Variants in ZNF837 observed in about 807,000 individuals in gnomAD.
ZNF837 encodes the protein zinc finger protein 837.
For synonymous variants in ZNF837, 475 were observed against 365.2 expected (o/e 1.30, Z -3.43); for missense variants, 955 against 801.7 (o/e 1.19, Z -2.31).
chr19:58,370,844 G>C (rs565155294), intron 1 of ZNF837, among the ~76,000 whole-genome samples: 1 of 150,822 alleles, frequency 6.6e-6, no homozygotes, highest in Non-Finnish European at 1.5e-5. Flanking sequence ...GCAGTTAGCC[G>C]AGATCGCACC....
intron 1 of ZNF837, among the ~76,000 whole-genome samples, chr19:58,377,549 G>A (rs1475277643): frequency 6.6e-6 from 1 of 151,874 alleles, no homozygotes; most frequent in Non-Finnish European, 1.5e-5. Flanking sequence ...AAGGTGGGAT[G>A]ATCGCTTGAG....
intron 1 of ZNF837, among the ~76,000 whole-genome samples, chr19:58,374,419 C>G (rs6510141): frequency 0.51 from 76,825 of 151,912 alleles, 19,545 homozygotes; most frequent in Middle Eastern, 0.56. Context: ...AAAGTAAAAG[C>G]AGTGAGTCAC....
At chr19:58,374,852 G>A (rs781012105) in intron 1 of ZNF837, among the ~76,000 whole-genome samples, 4 of 150,908 alleles carry the variant, frequency 2.7e-5, no homozygotes, top group Non-Finnish European at 5.9e-5. Flanking sequence ...AGAATCACTG[G>A]AACCTGGGAG....
chr19:58,376,517 T>TAC (rs1391095204), intron 1 of ZNF837, among the ~76,000 whole-genome samples: 1 of 111,804 alleles, frequency 8.9e-6, no homozygotes, highest in African/African-American at 3.5e-5. Flanking sequence ...ATCAGGCCAC[T>TAC]ACACTCCAGC....
chr19:58,376,416 G>A (rs1232540340), intron 1 of ZNF837, among the ~76,000 whole-genome samples: 2 of 151,368 alleles, frequency 1.3e-5, no homozygotes, highest in Non-Finnish European at 2.9e-5. Context: ...TTAGCCGGGT[G>A]TGGTGGCAGG....
At chr19:58,370,219 T>C (rs2052187391) in intron 1 of ZNF837, among the ~76,000 whole-genome samples, 1 of 152,204 alleles carries the variant, frequency 6.6e-6, no homozygotes, top group African/African-American at 2.4e-5. Flanking sequence ...GGGAGGACGT[T>C]TGCTGACCAT....
At chr19:58,371,577 T>TA (rs1469820635) in intron 1 of ZNF837, among the ~76,000 whole-genome samples, 1 of 152,228 alleles carries the variant, frequency 6.6e-6, no homozygotes, top group Non-Finnish European at 1.5e-5. Flanking sequence ...CCCGGATGGC[T>TA]AACATCATAT....
chr19:58,370,623 C>T (rs535000700), intron 1 of ZNF837, among the ~76,000 whole-genome samples: 1 of 152,264 alleles, frequency 6.6e-6, no homozygotes, highest in East Asian at 1.9e-4. Context: ...CGGCCGGGCA[C>T]GGTAGCTCAC....
At position 58,368,577 on chromosome 19, in the gene ZNF837, G is replaced by A. The variant is rs1430778647; in HGVS notation, c.756C>T (p.Cys252=). 6.5e-7 allele frequency: 1 copy of A among 1,535,920 alleles called. No homozygotes were observed. The highest frequency in any genetic ancestry group is 1.2e-5 in the South Asian group (1 of 83,626). Residue 252 remains cysteine, a synonymous_variant, in exon 3 of 3, where the codon TGC becomes TGT. Transcript: ENST00000597582. ...AGKSPPVCPE[C]GQTSRPRPIV... The stretch of plus-strand genomic sequence containing the variant: ...TAGGGCGAGGTCGCGAGGTTTGGCC[G>A]CACTCAGGACACACTGGGGGACTCT...
rs1465303734 is a variant in ZNF837, at chr19:58,368,011, T to TGC, written c.1320_1321dup (p.His441ArgfsTer?). 2 of 1,532,872 alleles carry TGC rather than the reference T, an allele frequency of 1.3e-6. No individual in the cohort carries two copies. The highest frequency in any genetic ancestry group is 1.4e-5 in the African/African-American group (1 of 72,842). The allele number at this position is 1,532,872 out of a possible 1,614,324, so 95.0% of individuals were successfully genotyped here. A position where few individuals can be genotyped will look rare whatever the true frequency, so the allele number is the denominator to read the frequency against. On this transcript the variant is annotated frameshift_variant, in exon 3 of 3. Coordinates refer to ENST00000597582, the MANE Select transcript of ZNF837 (RefSeq NM_138466.2). LOFTEE classifies it low-confidence loss of function (END_TRUNC). ...GCAGCCATAGGGCCGCTCGCCGGTGTGCGCGCGCTGGTGTTGCACCAGGCC... is the reference window on the plus strand; with the variant it reads ...GCAGCCATAGGGCCGCTCGCCGGTGTGCGCGCGCGCTGGTGTTGCACCAGGCC...
Position 58,368,009 on chromosome 19 carries a change from T to C in ZNF837, c.1324A>G (p.Thr442Ala). 1 of 1,532,932 alleles carries C rather than the reference T, an allele frequency of 6.5e-7. No individual in the cohort carries two copies. The highest frequency in any genetic ancestry group is 8.7e-7 in the Non-Finnish European group (1 of 1,144,326). 95.0% of individuals were successfully genotyped at this position (1,532,932 alleles called of 1,614,324 possible). The change falls in exon 3 of 3, where the codon ACC (threonine) becomes GCC (alanine). Residue 442 changes from threonine to alanine, a missense_variant. By Grantham distance (58) the Thr-to-Ala change is moderately conservative. Coordinates refer to ENST00000597582, the MANE Select transcript of ZNF837 (RefSeq NM_138466.2). ...SGLVQHQRAH[T>A]GERPYGCSEC... ...GAGCAGCCATAGGGCCGCTCGCCGG[T>C]GTGCGCGCGCTGGTGTTGCACCAGG...
At chr19:58,379,189 C>T (rs920285498) in intron 1 of ZNF837, among the ~76,000 whole-genome samples, 5 of 152,146 alleles carry the variant, frequency 3.3e-5, no homozygotes, top group African/African-American at 1.2e-4. Flanking sequence ...GCTGGGTTGT[C>T]CTGAAGAACC....
At position 58,370,713 on chromosome 19, in the gene ZNF837, T is replaced by C. The variant is rs780492973; in HGVS notation, c.-139-785A>G. Among the ~76,000 whole-genome samples, 67 of 148,764 alleles carry C rather than the reference T, an allele frequency of 4.5e-4. 1 individual carries two copies. The highest frequency in any genetic ancestry group is 2.5e-4 in the Non-Finnish European group (17 of 67,398). ...GAGTTTGAGACCAGCCTGACCAACA[T>C]AGAGAAACCCCGTCTCTACTAAAAA... is the stretch of plus-strand genomic sequence containing the variant. On this transcript the variant is annotated intron_variant, in intron 1 of 2. Transcript: ENST00000597582.
chr19:58,375,821 G>T (rs1039996794), intron 1 of ZNF837, among the ~76,000 whole-genome samples: 23 of 151,030 alleles, frequency 1.5e-4, no homozygotes, highest in Non-Finnish European at 3.1e-4. Context: ...CCTGTCAGGC[G>T]TCGGCCCACC....
intron 1 of ZNF837, among the ~76,000 whole-genome samples, chr19:58,376,554 C>CAAAAAAAAAAAAAAAAAAAA (rs59075587): frequency 1.6e-4 from 11 of 67,766 alleles, no homozygotes; most frequent in African/African-American, 6.4e-4. Context: ...GACTCTGTCT[C>CAAAAAAAAAAAAAAAAAAAA]AAAAAAAAAA....
chr19:58,375,261 A>T lies in ZNF837; in HGVS notation c.-139-5333T>A, dbSNP rs1483754562. 3.9e-3 allele frequency among the ~76,000 whole-genome samples: 375 copies of T among 95,360 alleles called. 17 individuals carry two copies. Among genetic ancestry groups the T allele is most frequent in the Admixed American group, 6.1e-3 (45 of 7,418 alleles). 62.6% of individuals were successfully genotyped at this position (95,360 alleles called of 152,430 possible). ...ACAGAGCGAGAATCTGTCTCAAAAA[A>T]AAAAAAAAGTATATATATATATATA... On this transcript the variant is annotated intron_variant, in intron 1 of 2. Coordinates refer to ENST00000597582, the MANE Select transcript of ZNF837 (RefSeq NM_138466.2).
At chr19:58,376,244 C>T (rs1409934164) in intron 1 of ZNF837, among the ~76,000 whole-genome samples, 1 of 151,938 alleles carries the variant, frequency 6.6e-6, no homozygotes, top group Non-Finnish European at 1.5e-5. Context: ...TTAAGCAATA[C>T]ATTTGTATTG....
At chr19:58,373,215 T>C (rs1217911628) in intron 1 of ZNF837, among the ~76,000 whole-genome samples, 1 of 152,148 alleles carries the variant, frequency 6.6e-6, no homozygotes. Flanking sequence ...CCTTCCTCGA[T>C]CTCCCTCCCT....
Position 58,368,205 on chromosome 19 carries a change from C to G in ZNF837, c.1128G>C (p.Ser376=). ...ADCAKAFGLF[S]HLVEHRRVHT... ...GCACGCGCCGGTGCTCCACGAGGTG[C>G]GAGAACAGCCCGAAGGCCTTGGCGC... Residue 376 remains serine (S), a synonymous_variant, in exon 3 of 3, where the codon TCG becomes TCC. Coordinates refer to ENST00000597582, the MANE Select transcript of ZNF837 (RefSeq NM_138466.2). 3 of 1,553,010 alleles carry G rather than the reference C, an allele frequency of 1.9e-6. No individual in the cohort carries two copies. Among genetic ancestry groups the G allele is most frequent in the Non-Finnish European group, 1.7e-6 (2 of 1,152,884 alleles).
Sources: gnomAD v4.1 joint callset for allele counts (sites outside exome capture counted in the v4.1 genomes callset) on GRCh38, gnomAD v4.1.1 for gene constraint, MANE v1.5 for transcripts, NCBI Gene and HGNC (gene_info 2026-07-23, HGNC 2026-07-21) for gene names.